Variants in OPA1 observed in about 807,000 individuals in gnomAD.
The protein encoded by OPA1 is OPA1 mitochondrial dynamin like GTPase.
In OPA1, 59 loss-of-function variants were observed where a neutral mutation model predicts 152.9. The ratio of observed to expected loss-of-function variants is 0.39; its 90% CI spans 0.31 to 0.48. The LOEUF (loss-of-function observed/expected upper bound fraction) is 0.48, where lower values mean the gene tolerates loss of function less well. OPA1 is among the 20% of genes least tolerant of loss of function. OPA1 has a pLI of 0.96. For synonymous variants in OPA1, 400 were observed against 389.9 expected (o/e 1.03, Z -0.31); for missense variants, 1,008 against 1,216.8 (o/e 0.83, Z 2.55).
At chr3:193,613,368 A>T (rs74214077) in intron 1 of OPA1, among the ~76,000 whole-genome samples, 9 of 148,532 alleles carry the variant, frequency 6.1e-5, no homozygotes, top group African/African-American at 9.9e-5. Context: ...TAAAAAAAAA[A>T]TTTGTAAAAT....
intron 6 of OPA1, among the ~76,000 whole-genome samples, chr3:193,620,263 G>T (rs1180558325): frequency 6.6e-6 from 1 of 152,172 alleles, no homozygotes; most frequent in African/African-American, 2.4e-5. Flanking sequence ...GTTAGGAGAA[G>T]TCTGTGTGTC....
At chr3:193,663,861 C>A (rs183396401) in intron 26 of OPA1, among the ~76,000 whole-genome samples, 39 of 152,074 alleles carry the variant, frequency 2.6e-4, no homozygotes, top group Admixed American at 2.6e-3. Flanking sequence ...GAGATGAAAG[C>A]TAATGATTAC....
At chr3:193,641,975 G>T (rs1021277878) in intron 11 of OPA1, among the ~76,000 whole-genome samples, 7 of 152,192 alleles carry the variant, frequency 4.6e-5, no homozygotes, top group Admixed American at 4.6e-4. Context: ...AACTTGCCAG[G>T]TGTGGTGGCG....
intron 7 of OPA1, among the ~76,000 whole-genome samples, chr3:193,628,923 C>CT (rs907951288): frequency 5.9e-5 from 9 of 151,776 alleles, no homozygotes; most frequent in Admixed American, 6.6e-5. Flanking sequence ...TTATTTTACT[C>CT]TTTTTTTGAG....
intron 7 of OPA1, among the ~76,000 whole-genome samples, chr3:193,627,032 A>G (rs764095385): frequency 6.6e-6 from 1 of 152,186 alleles, no homozygotes; most frequent in Non-Finnish European, 1.5e-5. Flanking sequence ...GAAATCAGCT[A>G]ATTATGTTAC....
At chr3:193,645,461 A>G (rs1347410945) in intron 16 of OPA1, 92 bp from the exon 17 acceptor site, 1 of 864,022 alleles carries the variant, frequency 1.2e-6, no homozygotes, top group Non-Finnish European at 1.9e-6. Context: ...ATATACATGT[A>G]TAGCATTATT....
intron 29 of OPA1, among the ~76,000 whole-genome samples, chr3:193,680,854 CTT>C (rs1030488809): frequency 1.5e-4 from 23 of 151,990 alleles, no homozygotes; most frequent in Non-Finnish European, 2.9e-4. Context: ...TAATGTAACT[CTT>C]TTTTGAGAAA....
intron 22 of OPA1, among the ~76,000 whole-genome samples, chr3:193,656,724 G>A (rs1389951159): frequency 1.3e-5 from 2 of 152,184 alleles, no homozygotes; most frequent in African/African-American, 4.8e-5. Context: ...GCTACAGTAG[G>A]TGGTGTCATG....
intron 1 of OPA1, among the ~76,000 whole-genome samples, chr3:193,597,690 CAAAAAA>C (rs75168011): frequency 1.4e-4 from 11 of 80,304 alleles, no homozygotes; most frequent in African/African-American, 3.2e-4. Flanking sequence ...GACTCCGTTT[CAAAAAA>C]AAAAAAAAAA....
chr3:193,605,203 A>G (rs1727076371), intron 1 of OPA1, among the ~76,000 whole-genome samples: 3 of 152,208 alleles, frequency 2.0e-5, no homozygotes. Flanking sequence ...GCCAAGATCT[A>G]TTACTGTGGA....
At chr3:193,693,689 C>T (rs1259125234) in intron 30 of OPA1, among the ~76,000 whole-genome samples, 1 of 152,170 alleles carries the variant, frequency 6.6e-6, no homozygotes, top group Non-Finnish European at 1.5e-5. Flanking sequence ...AATACATAAT[C>T]ATCTTTAACA....
intron 25 of OPA1, among the ~76,000 whole-genome samples, chr3:193,661,263 G>C (rs1715202355): frequency 6.6e-6 from 1 of 152,226 alleles, no homozygotes; most frequent in Admixed American, 6.5e-5. Context: ...GCATGTGTGA[G>C]ACCCAGGCTG....
At chr3:193,613,016 G>C (rs1728494301) in intron 1 of OPA1, among the ~76,000 whole-genome samples, 2 of 152,186 alleles carry the variant, frequency 1.3e-5, no homozygotes, top group Non-Finnish European at 2.9e-5. Context: ...GTTCCAGGGG[G>C]TTGCCAGAGT....
At chr3:193,613,902 C>T (rs746998257) in intron 1 of OPA1, 6 of 518,462 alleles carry the variant, frequency 1.2e-5, no homozygotes, top group South Asian at 4.2e-5. Context: ...TTTCCAGTCC[C>T]TTGTAATTAA....
At chr3:193,608,762 A>G (rs1447495438) in intron 1 of OPA1, among the ~76,000 whole-genome samples, 5 of 151,210 alleles carry the variant, frequency 3.3e-5, no homozygotes, top group African/African-American at 1.2e-4. Flanking sequence ...TATCCTTGTT[A>G]ACTTTCTGTC....
At chr3:193,675,447 G>T (rs1387960034) in intron 29 of OPA1, among the ~76,000 whole-genome samples, 1 of 151,620 alleles carries the variant, frequency 6.6e-6, no homozygotes, top group East Asian at 1.9e-4. Flanking sequence ...CTGTTGCTCT[G>T]TTTCTTGGGC....
chr3:193,669,856 G>GC (rs1717530711), intron 29 of OPA1, among the ~76,000 whole-genome samples: 1 of 152,160 alleles, frequency 6.6e-6, no homozygotes, highest in South Asian at 2.1e-4. Flanking sequence ...ACACTGTCAA[G>GC]CCAAGTTCTA....
chr3:193,655,057 G>C, intron 22 of OPA1, 30 bp downstream of exon 22: 2 of 1,600,950 alleles, frequency 1.2e-6, no homozygotes, highest in Non-Finnish European at 1.7e-6. Context: ...AAATGGGTAA[G>C]AAGCATTATC....
intron 29 of OPA1, among the ~76,000 whole-genome samples, chr3:193,674,860 G>A (rs1407621722): frequency 6.6e-6 from 1 of 152,150 alleles, no homozygotes. Context: ...ACTGAAAAGT[G>A]TAGAAAGGGG....
Sources: gnomAD v4.1 joint callset for allele counts (sites outside exome capture counted in the v4.1 genomes callset) on GRCh38, gnomAD v4.1.1 for gene constraint, MANE v1.5 for transcripts, NCBI Gene and HGNC (gene_info 2026-07-23, HGNC 2026-07-21) for gene names.